Variants in ZHX2 observed in about 807,000 individuals in gnomAD.
The protein encoded by ZHX2 is zinc fingers and homeoboxes 2.
Under a neutral mutation model 21.9 loss-of-function variants are expected in ZHX2, and 6 were observed. The observed-to-expected ratio is 0.27, with a 90% CI of 0.15 to 0.54. The LOEUF is 0.54. Ranked by LOEUF, ZHX2 falls within the 20% of genes least tolerant of loss-of-function variation. ZHX2 has a pLI of 0.95. For missense variants in ZHX2, 908 were observed against 1,090.7 expected (o/e 0.83, Z 2.36); for synonymous variants, 434 against 437.1 (o/e 0.99, Z 0.09).
chr8:122,878,500 C>T (rs767113309), intron 2 of ZHX2, among the ~76,000 whole-genome samples: 21 of 152,136 alleles, frequency 1.4e-4, no homozygotes, highest in Non-Finnish European at 2.9e-4. Context: ...GACAAAGCTT[C>T]GCACATCATT....
At chr8:122,801,681 G>T (rs1220356877) in intron 1 of ZHX2, among the ~76,000 whole-genome samples, 1 of 152,096 alleles carries the variant, frequency 6.6e-6, no homozygotes. Context: ...AGCCTGGGAG[G>T]TAAAGGCTGC....
chr8:122,813,695 C>T (rs1165824790), intron 1 of ZHX2, among the ~76,000 whole-genome samples: 4 of 152,096 alleles, frequency 2.6e-5, no homozygotes, highest in African/African-American at 4.8e-5. Flanking sequence ...CTGAATACAT[C>T]CCTGTTGAGC....
chr8:122,782,255 G>T lies in ZHX2; in HGVS notation c.-283+309G>T, dbSNP rs1213392345. Among the ~76,000 whole-genome samples, 6 of 152,250 alleles carry T rather than the reference G, an allele frequency of 3.9e-5. No individual in the cohort carries two copies. The highest frequency in any genetic ancestry group is 3.4e-3 in the Middle Eastern group (1 of 294). ...TGGGAGCCAGAGCGAGGAGGAGGAG[G>T]AGGAGGAGGAAAAACATGTCTACGT... On this transcript the variant is annotated intron_variant, in intron 1 of 3. Coordinates refer to ENST00000314393, the MANE Select transcript of ZHX2 (RefSeq NM_014943.5). The surrounding 1 kb of genome is among the most constrained non-coding windows in gnomAD (Gnocchi z 5.3).
At chr8:122,844,297 G>C (rs1367817386) in intron 1 of ZHX2, among the ~76,000 whole-genome samples, 1 of 152,230 alleles carries the variant, frequency 6.6e-6, no homozygotes, top group African/African-American at 2.4e-5. Context: ...ACCCTCGAAG[G>C]CAGCTGGCAG....
intron 2 of ZHX2, among the ~76,000 whole-genome samples, chr8:122,873,266 GC>G (rs1819488225): frequency 6.6e-6 from 1 of 152,236 alleles, no homozygotes; most frequent in Non-Finnish European, 1.5e-5. Flanking sequence ...GGCCTTTGTG[GC>G]CCAGAACACA....
At chr8:122,925,261 G>C (rs1001279916) in intron 2 of ZHX2, among the ~76,000 whole-genome samples, 1 of 152,214 alleles carries the variant, frequency 6.6e-6, no homozygotes, top group African/African-American at 2.4e-5. Flanking sequence ...GAGGTTCTTA[G>C]TAGTGTCTTG....
Position 122,951,883 on chromosome 8 carries a change from C to G in ZHX2, c.373C>G (p.Leu125Val). ...CTTCACAACCAAAAAGTACGACTCC[C>G]TATCCGACCACAACTCCAAGTTCCA... Reference protein sequence around the residue: ...CNFTTKKYDSLSDHNSKFHPG... With the variant: ...CNFTTKKYDSVSDHNSKFHPG... Residue 125 changes from leucine (L) to valine (V), a missense_variant, in exon 3 of 4, where the codon CTA (leucine) becomes GTA (valine). This residue lies in a region of ZHX2 where 220 missense variants were observed against 251.4 expected (regional missense o/e 0.88). Transcript: ENST00000314393. 1 of 1,614,106 alleles carries G rather than the reference C, an allele frequency of 6.2e-7. No homozygotes were observed. Among genetic ancestry groups the G allele is most frequent in the Non-Finnish European group, 8.5e-7 (1 of 1,180,012 alleles).
At chr8:122,845,981 G>C (rs1466403951) in intron 1 of ZHX2, among the ~76,000 whole-genome samples, 1 of 152,250 alleles carries the variant, frequency 6.6e-6, no homozygotes, top group Non-Finnish European at 1.5e-5. Flanking sequence ...ACTGCCCAGA[G>C]TGGAGAAGGC....
At chr8:122,786,064 G>C (rs1173672115) in intron 1 of ZHX2, among the ~76,000 whole-genome samples, 1 of 152,208 alleles carries the variant, frequency 6.6e-6, no homozygotes, top group East Asian at 1.9e-4. Context: ...AAAGAAGTGA[G>C]GGATGATTTG....
At chr8:122,969,310 G>GT (rs1352957723) in intron 3 of ZHX2, among the ~76,000 whole-genome samples, 1 of 152,104 alleles carries the variant, frequency 6.6e-6, no homozygotes. Context: ...ACTTCTGGAG[G>GT]TATGTTGTAC....
chr8:122,860,177 T>C (rs952099542), intron 1 of ZHX2, among the ~76,000 whole-genome samples: 3 of 151,954 alleles, frequency 2.0e-5, no homozygotes, highest in Non-Finnish European at 4.4e-5. Context: ...GAGCTCCTTA[T>C]AAAACCATCA....
At chr8:122,860,321 T>G (rs1212104745) in intron 1 of ZHX2, among the ~76,000 whole-genome samples, 2 of 152,214 alleles carry the variant, frequency 1.3e-5, no homozygotes, top group African/African-American at 4.8e-5. Flanking sequence ...GAGATTTGGG[T>G]GGGGACAGAA....
intron 1 of ZHX2, among the ~76,000 whole-genome samples, chr8:122,850,744 T>C (rs562227186): frequency 3.3e-5 from 5 of 151,464 alleles, no homozygotes; most frequent in African/African-American, 9.7e-5. Flanking sequence ...CACCCCCTCA[T>C]GTCCTGCACA....
intron 1 of ZHX2, among the ~76,000 whole-genome samples, chr8:122,835,630 GA>G (rs773558781): frequency 2.0e-5 from 3 of 152,324 alleles, no homozygotes; most frequent in African/African-American, 7.2e-5. Context: ...TAAGGGCTGG[GA>G]GGGGTGGACA....
At chr8:122,886,535 G>A (rs1251419161) in intron 2 of ZHX2, among the ~76,000 whole-genome samples, 10 of 152,016 alleles carry the variant, frequency 6.6e-5, no homozygotes, top group Non-Finnish European at 1.5e-4. Context: ...CACCATGCCG[G>A]ATATTCATAA....
intron 2 of ZHX2, among the ~76,000 whole-genome samples, chr8:122,894,653 C>T (rs1409633594): frequency 3.9e-5 from 6 of 152,038 alleles, no homozygotes; most frequent in East Asian, 1.9e-4. Flanking sequence ...TTATGGGGTG[C>T]GGGGAGCGGG....
At chr8:122,932,220 A>AAACCAAGCTCAGCTTGCC (rs1304800197) in intron 2 of ZHX2, among the ~76,000 whole-genome samples, 2 of 152,222 alleles carry the variant, frequency 1.3e-5, no homozygotes, top group Non-Finnish European at 2.9e-5. Flanking sequence ...CACAGGCTGC[A>AAACCAAGCTCAGCTTGCC]AACCAAGCTC....
intron 2 of ZHX2, among the ~76,000 whole-genome samples, chr8:122,898,888 C>T (rs1253111780): frequency 1.3e-5 from 2 of 152,246 alleles, no homozygotes; most frequent in Admixed American, 6.5e-5. Flanking sequence ...CAAGTCTGCC[C>T]TTCCCCACTT....
At chr8:122,883,405 A>T (rs1819761327) in intron 2 of ZHX2, among the ~76,000 whole-genome samples, 1 of 152,232 alleles carries the variant, frequency 6.6e-6, no homozygotes, top group African/African-American at 2.4e-5. Context: ...CAAGAGAGAG[A>T]AAACAAAGGC....
Sources: gnomAD v4.1 joint callset for allele counts (sites outside exome capture counted in the v4.1 genomes callset) on GRCh38, gnomAD v4.1.1 for gene constraint, gnomAD v4.1.1 regional missense constraint, Gnocchi (gnomAD v3.1) non-coding constraint, MANE v1.5 for transcripts, NCBI Gene and HGNC (gene_info 2026-07-23, HGNC 2026-07-21) for gene names.